XRCC3: variants seen among roughly 807,000 people sequenced by gnomAD.
The protein encoded by XRCC3 is DNA repair protein XRCC3.
XRCC3 carries 34 observed loss-of-function variants against 29.2 expected under a neutral mutation model. The ratio of observed to expected loss-of-function variants is 1.16; its 90% CI spans 0.88 to 1.55. XRCC3 has a LOEUF of 1.55. XRCC3 is among the 40% of genes most tolerant of loss of function. XRCC3 has a pLI of 0.00. For missense variants in XRCC3, 463 were observed against 467.6 expected (o/e 0.99, Z 0.09); for synonymous variants, 223 against 211.3 (o/e 1.06, Z -0.48).
intron 6 of XRCC3, chr14:103,706,788 C>G (rs1260181624): frequency 1.6e-6 from 1 of 640,258 alleles, no homozygotes; most frequent in South Asian, 1.8e-5. Flanking sequence ...TGGTGGGGTT[C>G]GTACCCTCCC....
At chr14:103,700,741 C>T (rs201154884) in intron 7 of XRCC3, 129 of 1,561,226 alleles carry the variant, frequency 8.3e-5, no homozygotes, top group Non-Finnish European at 1.1e-4. Context: ...AGTCCCACGG[C>T]CTGCAGCCCC....
chr14:103,706,963 G>A lies in XRCC3; in HGVS notation c.406+40C>T, dbSNP rs374684710. 7.5e-4 allele frequency: 1,146 copies of A among 1,533,064 alleles called. 12 individuals carry two copies. The highest frequency in any genetic ancestry group is 4.7e-4 in the South Asian group (39 of 83,792). The allele number at this position is 1,533,064 out of a possible 1,614,324, so 95.0% of individuals were successfully genotyped here. On this transcript the variant is annotated intron_variant, in intron 6 of 9. Transcript: ENST00000555055. ...AGCTGTCCCACACAAAGCAGGGGCCGCCCACCTGCCCAGACCCCACGGAAG... is the reference window on the plus strand; with the variant it reads ...AGCTGTCCCACACAAAGCAGGGGCCACCCACCTGCCCAGACCCCACGGAAG...
In XRCC3 at chr14:103,699,212, G is replaced by A. The variant is rs56393055; in HGVS notation, c.775-33C>T. On this transcript the variant is annotated intron_variant, in intron 8 of 9. Transcript: ENST00000555055. ...AGCACAGTCCAGGTCAGCTGCAACG[G>A]CTGAGGGTCTTCTCGATGGTTAGGC... 122 of 1,548,926 alleles carry A rather than the reference G, an allele frequency of 7.9e-5. No individual in the cohort carries two copies. In the African/African-American group the frequency reaches 1.5e-3, roughly 19 times the overall value.
intron 6 of XRCC3, chr14:103,706,468 C>T: frequency 2.2e-6 from 1 of 449,194 alleles, no homozygotes; most frequent in South Asian, 1.6e-5. Context: ...AACATCTCTC[C>T]TCCTCACAGC....
chr14:103,708,404 G>C, intron 5 of XRCC3, 118 bp downstream of exon 5: 1 of 1,460,970 alleles, frequency 6.8e-7, no homozygotes, highest in Non-Finnish European at 9.4e-7. Flanking sequence ...TGGAGCAGCT[G>C]CCACACGCCC....
rs1567062243 is a variant in XRCC3, at chr14:103,711,018, T to C, written c.55+15A>G. On this transcript the variant is annotated intron_variant, in intron 4 of 9. Transcript: ENST00000555055. Reference sequence around the variant, plus strand: ...CACCCACCCACACCCTTTATGTAAATAGAAATAAATGTACCTTTCTTAATT... The same window carrying C: ...CACCCACCCACACCCTTTATGTAAACAGAAATAAATGTACCTTTCTTAATT... 3 of 1,613,828 alleles carry C rather than the reference T, an allele frequency of 1.9e-6. No individual in the cohort carries two copies. The highest frequency in any genetic ancestry group is 2.2e-5 in the South Asian group (2 of 91,078).
At chr14:103,706,552 A>C in intron 6 of XRCC3, 1 of 384,412 alleles carries the variant, frequency 2.6e-6, no homozygotes, top group Non-Finnish European at 5.2e-6. Flanking sequence ...CTTTAGTCCA[A>C]TGCAGGGAAC....
intron 7 of XRCC3, 165 bp downstream of exon 7, chr14:103,703,008 C>T (rs180890906): frequency 9.3e-7 from 1 of 1,075,456 alleles, no homozygotes; most frequent in South Asian, 1.5e-5. Context: ...CCTCTGACCC[C>T]ACCTGCTCCT....
Position 103,703,318 on chromosome 14 carries a change from TA to T in XRCC3, c.415del (p.Tyr139ThrfsTer56). 6.4e-7 allele frequency: 1 copy of T among 1,550,816 alleles called. No homozygotes were observed. The highest frequency in any genetic ancestry group is 1.2e-5 in the South Asian group (1 of 84,736). On this transcript the variant is annotated frameshift_variant, in exon 7 of 10. Coordinates refer to ENST00000555055, the MANE Select transcript of XRCC3 (RefSeq NM_005432.4). LOFTEE classifies it high-confidence loss of function. The part of the protein sequence containing the change: ...QHGGLEAGAV[Y>X]ICTEDAFPHK... ...CGGGAAGGCGTCTTCCGTGCAGATG[TA>T]GACGGCTCCTGGGAAGCAAGAGTGC...
chr14:103,698,524 AC>A lies in XRCC3; in HGVS notation c.*273del. 1 of 509,154 alleles carries A rather than the reference AC, an allele frequency of 2.0e-6. No individual in the cohort carries two copies. Among genetic ancestry groups the A allele is most frequent in the Non-Finnish European group, 3.6e-6 (1 of 278,676 alleles). 31.5% of individuals were successfully genotyped at this position (509,154 alleles called of 1,614,324 possible). A position where few individuals can be genotyped will look rare whatever the true frequency, so the allele number is the denominator to read the frequency against. On this transcript the variant is annotated 3_prime_UTR_variant, in exon 10 of 10. Transcript: ENST00000555055. ...ACCCCAGGCTCCAGCCCTGAGAATCACCTCTCCCCAAGGGCCAGCTCAGCAG... is the reference window on the plus strand; with the variant it reads ...ACCCCAGGCTCCAGCCCTGAGAATCACTCTCCCCAAGGGCCAGCTCAGCAG...
At chr14:103,701,203 A>C in intron 7 of XRCC3, 1 of 1,550,274 alleles carries the variant, frequency 6.5e-7, no homozygotes, top group Non-Finnish European at 8.7e-7. Context: ...TCTTGCAGTG[A>C]CCCCGACCTG....
At chr14:103,713,917 G>C (rs980171915) in intron 1 of XRCC3, 1 of 152,152 alleles carries the variant, frequency 6.6e-6, no homozygotes, top group African/African-American at 2.4e-5. Context: ...AGGTTGTGCA[G>C]ATGCTTTGAG....
Position 103,699,576 on chromosome 14 carries a change from C to A in XRCC3, c.562G>T (p.Asp188Tyr), listed in dbSNP as rs2151910588. 6.2e-7 allele frequency: 1 copy of A among 1,613,172 alleles called. No homozygotes were observed. The highest frequency in any genetic ancestry group is 1.1e-5 in the South Asian group (1 of 91,064). ...TTATTCACACACTCCAACAAGGTGT[C>A]CTGTGGGGACAGCTGTCATTGTCTA... ...QIFIEHVADV[D>Y]TLLECVNKKV... Residue 188 changes from aspartate to tyrosine, a missense_variant and splice_region_variant, in exon 8 of 10, where the codon GAC becomes TAC. Coordinates refer to ENST00000555055, the MANE Select transcript of XRCC3 (RefSeq NM_005432.4).
chr14:103,703,311 G>T lies in XRCC3; in HGVS notation c.423C>A (p.Cys141Ter). Residue 141 changes from cysteine (C) to a stop codon, truncating the protein, a stop_gained, in exon 7 of 10, where the codon TGC becomes TGA. Coordinates refer to ENST00000555055, the MANE Select transcript of XRCC3 (RefSeq NM_005432.4). LOFTEE classifies it high-confidence loss of function. Reference protein sequence around the residue: ...GGLEAGAVYICTEDAFPHKRL... With the variant: ...GGLEAGAVYI ...GCTTGTGCGGGAAGGCGTCTTCCGT[G>T]CAGATGTAGACGGCTCCTGGGAAGC... 1 of 1,553,094 alleles carries T rather than the reference G, an allele frequency of 6.4e-7. No homozygotes were observed. Among genetic ancestry groups the T allele is most frequent in the Non-Finnish European group, 8.7e-7 (1 of 1,152,060 alleles).
intron 6 of XRCC3, chr14:103,706,238 C>T (rs1595664757): frequency 2.3e-6 from 1 of 444,428 alleles, no homozygotes; most frequent in East Asian, 7.0e-5. Context: ...TTCCCAGCCA[C>T]ACCGCTGCTG....
chr14:103,709,799 G>A (rs1474078407), intron 4 of XRCC3: 9 of 152,394 alleles, frequency 5.9e-5, no homozygotes, highest in African/African-American at 2.2e-4. Flanking sequence ...AGAGACACAG[G>A]TGAGAAAGGA....
intron 2 of XRCC3, chr14:103,711,924 G>C: frequency 2.8e-6 from 1 of 352,982 alleles, no homozygotes. Context: ...GCAGCCTCGA[G>C]GGCCGGGTCC....
intron 6 of XRCC3, 193 bp downstream of exon 6, chr14:103,706,810 T>A: frequency 1.4e-6 from 1 of 703,156 alleles, no homozygotes; most frequent in Non-Finnish European, 2.4e-6. Context: ...CCCCTCCTGC[T>A]GTCAGCTGAG....
At position 103,699,381 on chromosome 14, in the gene XRCC3, C is replaced by A; in HGVS notation, c.757G>T (p.Val253Leu). 1 of 1,609,606 alleles carries A rather than the reference C, an allele frequency of 6.2e-7. No homozygotes were observed. Among genetic ancestry groups the A allele is most frequent in the Non-Finnish European group, 8.5e-7 (1 of 1,178,706 alleles). ...RELSSAFQSP[V>L]LCINQVTEAM... The stretch of plus-strand genomic sequence containing the variant: ...GTGCTCACCTGGTTGATGCACAGCA[C>A]AGGGCTCTGGAAGGCACTGCTCAGC... Residue 253 changes from valine (V) to leucine (L), a missense_variant, in exon 8 of 10, where the codon GTG becomes TTG. Coordinates refer to ENST00000555055, the MANE Select transcript of XRCC3 (RefSeq NM_005432.4).
Sources: gnomAD v4.1 joint callset for allele counts on GRCh38, gnomAD v4.1.1 for gene constraint, MANE v1.5 for transcripts, NCBI Gene and HGNC (gene_info 2026-07-23, HGNC 2026-07-21) for gene names.